Variants in NDUFAF1 observed in about 807,000 individuals in gnomAD.
NDUFAF1 encodes the protein complex I intermediate-associated protein 30, mitochondrial.
NDUFAF1 carries 18 observed loss-of-function variants against 28.7 expected under a neutral mutation model. The observed-to-expected ratio is 0.63, with a 90% CI of 0.43 to 0.93. NDUFAF1 has a LOEUF of 0.93. Ranked by LOEUF, NDUFAF1 falls within the 40% of genes least tolerant of loss-of-function variation. The pLI, the probability that NDUFAF1 is intolerant of heterozygous loss-of-function variation, is 0.00. For missense variants in NDUFAF1, 404 were observed against 398.3 expected, an observed-to-expected ratio of 1.01 and a Z score of -0.12; for synonymous variants, 113 against 139.7, an observed-to-expected ratio of 0.81 and a Z score of 1.35.
intron 1 of NDUFAF1, among the ~76,000 whole-genome samples, chr15:41,399,794 T>G (rs1322492987): frequency 7.3e-6 from 1 of 137,598 alleles, no homozygotes; most frequent in African/African-American, 2.8e-5. Context: ...AGGCGGAGCT[T>G]GCAGTGAGCC....
chr15:41,394,331 C>A (rs1414945232), intron 3 of NDUFAF1: 26 of 1,287,952 alleles, frequency 2.0e-5, no homozygotes, highest in Non-Finnish European at 2.6e-5. Context: ...ACCACGCAGG[C>A]CTAGGACACC....
upstream of NDUFAF1, chr15:41,402,646 T>C (rs981712782): frequency 2.7e-5 from 5 of 186,116 alleles, no homozygotes; most frequent in Non-Finnish European, 5.9e-5. Context: ...GGTCGCCAGT[T>C]GTAAGGAAGC....
At chr15:41,401,464 C>G (rs1298847192) in intron 1 of NDUFAF1, among the ~76,000 whole-genome samples, 5 of 150,260 alleles carry the variant, frequency 3.3e-5, no homozygotes, top group African/African-American at 4.9e-5. Context: ...AGACAGAGTC[C>G]AGCTCTGTCC....
chr15:41,387,499 G>A lies in NDUFAF1; in HGVS notation c.929C>T (p.Thr310Ile), dbSNP rs2050266714. The change falls in exon 5 of 5, where the codon ACA (threonine) becomes ATA (isoleucine). Residue 310 changes from threonine to isoleucine, a missense_variant. By Grantham distance (89) the Thr-to-Ile change is moderately conservative. Coordinates refer to ENST00000260361, the MANE Select transcript of NDUFAF1 (RefSeq NM_016013.4). ...AGAATTTTCATAGGCAAATTCTTCTGTATGAGCTGGATCAGTAAACACGCC... is the reference window on the plus strand; with the variant it reads ...AGAATTTTCATAGGCAAATTCTTCTATATGAGCTGGATCAGTAAACACGCC... Reference protein sequence around the residue: ...FIGVFTDPAHTEEFAYENSPE... With the variant: ...FIGVFTDPAHIEEFAYENSPE... 1.2e-6 allele frequency: 2 copies of A among 1,613,458 alleles called. No homozygotes were observed. The highest frequency in any genetic ancestry group is 2.7e-5 in the African/African-American group (2 of 74,914).
intron 3 of NDUFAF1, among the ~76,000 whole-genome samples, chr15:41,389,186 G>A (rs562051710): frequency 6.6e-6 from 1 of 151,292 alleles, no homozygotes; most frequent in African/African-American, 2.4e-5. Flanking sequence ...AGGTTCAAGC[G>A]ATTCTCCCAC....
chr15:41,390,823 G>A (rs1250322280), intron 3 of NDUFAF1, among the ~76,000 whole-genome samples: 1 of 151,918 alleles, frequency 6.6e-6, no homozygotes, highest in Non-Finnish European at 1.5e-5. Flanking sequence ...ATGAGGCCAG[G>A]AGTTCAAGAC....
intron 3 of NDUFAF1, 75 bp downstream of exon 3, chr15:41,394,784 C>T: frequency 6.5e-7 from 1 of 1,527,008 alleles, no homozygotes; most frequent in East Asian, 2.3e-5. Flanking sequence ...TCCCAAATTG[C>T]TGGGATTATA....
chr15:41,387,731 T>C (rs1172378408), intron 4 of NDUFAF1, 138 bp from the exon 5 acceptor site: 11 of 676,758 alleles, frequency 1.6e-5, no homozygotes, highest in Non-Finnish European at 2.8e-5. Context: ...CTACTAATTC[T>C]CCCATAGCAT....
intron 3 of NDUFAF1, among the ~76,000 whole-genome samples, chr15:41,393,291 A>ATTT (rs911259285): frequency 6.1e-4 from 57 of 93,648 alleles, no homozygotes; most frequent in African/African-American, 1.3e-3. Flanking sequence ...TGCCCGGCTA[A>ATTT]TTTTTTTTTT....
intron 3 of NDUFAF1, chr15:41,394,020 T>G (rs1309816320): frequency 2.0e-5 from 1 of 51,004 alleles, no homozygotes; most frequent in Non-Finnish European, 3.2e-5. Context: ...AGGACACTAC[T>G]TTTTTTTTTT....
Position 41,402,266 on chromosome 15 carries a change from T to A in NDUFAF1, c.-204A>T, listed in dbSNP as rs1474002932. ...CGTTCCAAGGCTAATTTACCCGAGGTCACACAGGTAGTGAGTGGCAAAATT... is the reference window on the plus strand; with the variant it reads ...CGTTCCAAGGCTAATTTACCCGAGGACACACAGGTAGTGAGTGGCAAAATT... On this transcript the variant is annotated 5_prime_UTR_variant, in exon 1 of 5. Transcript: ENST00000260361. The A allele has an allele frequency of 2.2e-6, 1 of 453,994 alleles. No homozygotes were observed. The highest frequency in any genetic ancestry group is 4.4e-6 in the Non-Finnish European group (1 of 226,792). The allele number at this position is 453,994 out of a possible 1,614,324, so 28.1% of individuals were successfully genotyped here. A position where few individuals can be genotyped will look rare whatever the true frequency, so the allele number is the denominator to read the frequency against.
At chr15:41,388,959 C>T (rs554373577) in intron 3 of NDUFAF1, among the ~76,000 whole-genome samples, 5 of 152,144 alleles carry the variant, frequency 3.3e-5, no homozygotes, top group Admixed American at 3.3e-4. Flanking sequence ...AAGAAATGTC[C>T]TATTCCTTCT....
At chr15:41,391,020 CTCTG>C (rs911815643) in intron 3 of NDUFAF1, among the ~76,000 whole-genome samples, 6 of 151,884 alleles carry the variant, frequency 4.0e-5, no homozygotes, top group Non-Finnish European at 8.8e-5. Flanking sequence ...CAGTGCGAGA[CTCTG>C]TCTTACAAAA....
intron 4 of NDUFAF1, among the ~76,000 whole-genome samples, chr15:41,388,206 G>A (rs781126993): frequency 2.2e-4 from 33 of 152,116 alleles, no homozygotes; most frequent in Non-Finnish European, 3.8e-4. Flanking sequence ...AGGAGAGAAG[G>A]GAGGGGGGAA....
intron 3 of NDUFAF1, among the ~76,000 whole-genome samples, chr15:41,391,222 G>T (rs962909703): frequency 1.3e-5 from 2 of 151,526 alleles, no homozygotes; most frequent in Admixed American, 1.3e-4. Flanking sequence ...ACATATATAT[G>T]TATGTATTGA....
At chr15:41,389,108 G>A (rs2050287764) in intron 3 of NDUFAF1, among the ~76,000 whole-genome samples, 1 of 151,498 alleles carries the variant, frequency 6.6e-6, no homozygotes, top group Non-Finnish European at 1.5e-5. Flanking sequence ...TTTGAGATAG[G>A]GTCTCACTCT....
At position 41,402,484 on chromosome 15, in the gene NDUFAF1, A is replaced by G. The variant is rs1479900876; in HGVS notation, c.-422T>C. 1 of 375,866 alleles carries G rather than the reference A, an allele frequency of 2.7e-6. No individual in the cohort carries two copies. Among genetic ancestry groups the G allele is most frequent in the African/African-American group, 2.1e-5 (1 of 47,520 alleles). The allele number at this position is 375,866 out of a possible 1,614,324, so 23.3% of individuals were successfully genotyped here. A position where few individuals can be genotyped will look rare whatever the true frequency, so the allele number is the denominator to read the frequency against. On this transcript the variant is annotated 5_prime_UTR_variant, in exon 1 of 5. Transcript: ENST00000260361. ...ATAGTGTACCTTCCGCCCAGAAGCC[A>G]CTTTACCCGTATAGGTCCATCTGCT...
At chr15:41,387,701 C>G in intron 4 of NDUFAF1, 108 bp from the exon 5 acceptor site, 1 of 872,434 alleles carries the variant, frequency 1.1e-6, no homozygotes, top group Middle Eastern at 2.3e-4. Context: ...GGTTTTAATG[C>G]TATCAGCCCT....
chr15:41,388,574 T>A, intron 3 of NDUFAF1, 52 bp from the exon 4 acceptor site: 2 of 1,132,666 alleles, frequency 1.8e-6, no homozygotes, highest in South Asian at 1.2e-5. Flanking sequence ...AATTGAGGCA[T>A]CTGCATGTAA....
Sources: allele counts gnomAD v4.1 joint callset (sites outside exome capture counted in the v4.1 genomes callset), GRCh38; gene constraint gnomAD v4.1.1; transcripts MANE v1.5; gene names NCBI Gene and HGNC (gene_info 2026-07-23, HGNC 2026-07-21).